The following TMC5 variants were observed in gnomAD, a reference collection of about 807,000 sequenced individuals.
TMC5 encodes the protein transmembrane channel-like protein 5.
Under a neutral mutation model 110.5 loss-of-function variants are expected in TMC5, and 86 were observed. The ratio of observed to expected loss-of-function variants is 0.78; its 90% CI spans 0.65 to 0.93. The LOEUF is 0.93. Ranked by LOEUF, TMC5 falls within the 40% of genes least tolerant of loss-of-function variation. TMC5 has a pLI of 0.00. For missense variants in TMC5, 1,144 were observed against 1,222.8 expected (o/e 0.94, Z 0.96); for synonymous variants, 455 against 439.5 (o/e 1.04, Z -0.44).
rs1969127247 is a variant in TMC5 at position 19,499,093 on chromosome 16, A to G, written c.*1127A>G. ...AATAAATAAATAAATAAAGTAAATT[A>G]AAAGTCTTATTCAAACCAAATATGA... On this transcript the variant is annotated 3_prime_UTR_variant, in exon 22 of 22. Transcript: ENST00000542583. 6.6e-6 allele frequency: 1 copy of G among 152,074 alleles called. No individual in the cohort carries two copies. Among genetic ancestry groups the G allele is most frequent in the Admixed American group, 6.6e-5 (1 of 15,252 alleles). The allele number at this position is 152,074 out of a possible 1,614,324, so 9.4% of individuals were successfully genotyped here. A position where few individuals can be genotyped will look rare whatever the true frequency, so the allele number is the denominator to read the frequency against.
At chr16:19,493,495 G>A (rs1476033821) in intron 19 of TMC5, among the ~76,000 whole-genome samples, 2 of 129,032 alleles carry the variant, frequency 1.6e-5, no homozygotes, top group Non-Finnish European at 3.3e-5. Flanking sequence ...GAATCTCACT[G>A]TGTCTCCCAG....
rs753782576 is a variant in TMC5, at chr16:19,487,207, G to A, written c.2454G>A (p.Met818Ile). ...TCTCTCTTCAGATCAGCCTGATGAT[G>A]AATTTCCAGCCTCCGAGCAAAGCCT... is the stretch of plus-strand genomic sequence containing the variant. ...MFYSKNISLM[M>I]NFQPPSKAWR... Residue 818 changes from methionine (M) to isoleucine (I), a missense_variant, in exon 17 of 22, where the codon ATG (methionine) becomes ATA (isoleucine). Coordinates refer to ENST00000542583, the MANE Select transcript of TMC5 (RefSeq NM_001261841.2). 1.2e-5 allele frequency: 20 copies of A among 1,613,018 alleles called. No homozygotes were observed. In the South Asian group the frequency reaches 2.1e-4, roughly 17 times the overall value.
chr16:19,485,358 G>T (rs188030400), intron 15 of TMC5, among the ~76,000 whole-genome samples: 1 of 152,120 alleles, frequency 6.6e-6, no homozygotes, highest in Non-Finnish European at 1.5e-5. Context: ...CAGAAGAAAG[G>T]CCTTTGTAAA....
chr16:19,466,781 G>A (rs1034539497), intron 9 of TMC5, among the ~76,000 whole-genome samples: 2 of 152,154 alleles, frequency 1.3e-5, no homozygotes, highest in African/African-American at 4.8e-5. Context: ...TAAGGGTGCA[G>A]TTACCCCAGC....
At chr16:19,452,692 C>T (rs1481662987) in intron 5 of TMC5, among the ~76,000 whole-genome samples, 1 of 152,044 alleles carries the variant, frequency 6.6e-6, no homozygotes, top group Non-Finnish European at 1.5e-5. Flanking sequence ...TGATCTCATA[C>T]TAATAGACAG....
Position 19,440,811 on chromosome 16 carries a change from C to A in TMC5, c.773C>A (p.Pro258Gln). The A allele has an allele frequency of 6.2e-7, 1 of 1,612,832 alleles. No individual in the cohort carries two copies. Among genetic ancestry groups the A allele is most frequent in the Non-Finnish European group, 8.5e-7 (1 of 1,179,632 alleles). ...NGHDYGSSET[P>Q]KMTRGVLSRT... ...CATGATTATGGCTCTTCTGAGACCC[C>A]AAAGATGACCAGGGGGTAAGTTCAG... Residue 258 changes from proline (P) to glutamine (Q), a missense_variant, in exon 3 of 22, where the codon CCA becomes CAA. Coordinates refer to ENST00000542583, the MANE Select transcript of TMC5 (RefSeq NM_001261841.2).
At chr16:19,425,353 C>T (rs1483671522) in intron 1 of TMC5, among the ~76,000 whole-genome samples, 1 of 143,372 alleles carries the variant, frequency 7.0e-6, no homozygotes, top group Non-Finnish European at 1.5e-5. Context: ...TTTTCCTGTG[C>T]ACCCTTGACT....
At chr16:19,431,845 G>T (rs1368616210) in intron 2 of TMC5, among the ~76,000 whole-genome samples, 1 of 152,188 alleles carries the variant, frequency 6.6e-6, no homozygotes, top group Admixed American at 6.5e-5. Flanking sequence ...GGCACCTGTA[G>T]ATCTAAAGCA....
At chr16:19,462,460 T>C (rs1252729608) in intron 6 of TMC5, 1 of 698,068 alleles carries the variant, frequency 1.4e-6, no homozygotes, top group Non-Finnish European at 2.6e-6. Context: ...GACTGGGTGA[T>C]TTATAAAGGA....
intron 5 of TMC5, among the ~76,000 whole-genome samples, chr16:19,452,449 G>A (rs916175765): frequency 2.0e-5 from 3 of 152,160 alleles, no homozygotes; most frequent in African/African-American, 7.2e-5. Flanking sequence ...GGGCATGGTG[G>A]CTCTCACCTG....
rs78883216 is a variant in TMC5, at chr16:19,474,113, C to G, written c.1939-12C>G. ...CAAGTCAGCCCTCCGTTCTCTCCCC[C>G]ATCCCCTGCAGTTCCTGAAGACACA... On this transcript the variant is annotated splice_polypyrimidine_tract_variant and intron_variant, in intron 11 of 21. Coordinates refer to ENST00000542583, the MANE Select transcript of TMC5 (RefSeq NM_001261841.2). The G allele has an allele frequency of 2.5e-6, 4 of 1,612,366 alleles. No homozygotes were observed. The highest frequency in any genetic ancestry group is 3.4e-6 in the Non-Finnish European group (4 of 1,179,510).
At position 19,473,619 on chromosome 16, in the gene TMC5, G is replaced by A. The variant is rs2143652804; in HGVS notation, c.1939-506G>A. Among the ~76,000 whole-genome samples the A allele has an allele frequency of 1.3e-5, 2 of 152,284 alleles. 1 individual carries two copies. Among genetic ancestry groups the A allele is most frequent in the South Asian group, 4.1e-4 (2 of 4,824 alleles). ...TTCCTTGCTGGGTGACCCTGGGCAA[G>A]TGTCTTCCCCTCCCTGAGCCTCAGT... is the stretch of plus-strand genomic sequence containing the variant. On this transcript the variant is annotated intron_variant, in intron 11 of 21. Transcript: ENST00000542583.
intron 20 of TMC5, among the ~76,000 whole-genome samples, chr16:19,495,686 T>C (rs1027419744): frequency 6.6e-6 from 1 of 151,844 alleles, no homozygotes; most frequent in African/African-American, 2.4e-5. Flanking sequence ...CTTAAAAAAT[T>C]TTAATAATTA....
chr16:19,488,111 G>T (rs1307305035), intron 17 of TMC5, among the ~76,000 whole-genome samples: 1 of 152,124 alleles, frequency 6.6e-6, no homozygotes, highest in Non-Finnish European at 1.5e-5. Flanking sequence ...GCGGTTGCGG[G>T]TGTGGGATCT....
At chr16:19,474,054 G>C in intron 11 of TMC5, 71 bp from the exon 12 acceptor site, 1 of 1,457,498 alleles carries the variant, frequency 6.9e-7, no homozygotes, top group South Asian at 1.4e-5. Context: ...TATCATGGGA[G>C]ACTTTTGAGT....
At chr16:19,493,445 G>GTT (rs1968966020) in intron 19 of TMC5, among the ~76,000 whole-genome samples, 1 of 58,276 alleles carries the variant, frequency 1.7e-5, no homozygotes, top group Admixed American at 1.7e-4. Context: ...TTTGGTTAAT[G>GTT]TCTCTCTCTC....
At chr16:19,441,450 G>T (rs946010568) in intron 3 of TMC5, among the ~76,000 whole-genome samples, 1 of 151,958 alleles carries the variant, frequency 6.6e-6, no homozygotes. Context: ...CTCCCAAGTA[G>T]CTGGGACTAC....
intron 20 of TMC5, among the ~76,000 whole-genome samples, 192 bp from the exon 21 acceptor site, chr16:19,496,929 G>C (rs1969071191): frequency 7.1e-6 from 1 of 141,690 alleles, no homozygotes; most frequent in South Asian, 2.2e-4. Context: ...TCTGTGGAAT[G>C]AATGAATGGA....
intron 1 of TMC5, among the ~76,000 whole-genome samples, chr16:19,427,795 C>G (rs1967115625): frequency 6.6e-6 from 1 of 152,026 alleles, no homozygotes; most frequent in Non-Finnish European, 1.5e-5. Context: ...CAAATGTGCT[C>G]TCAGAGGCAA....
Sources: gnomAD v4.1 joint callset for allele counts (sites outside exome capture counted in the v4.1 genomes callset) on GRCh38, gnomAD v4.1.1 for gene constraint, MANE v1.5 for transcripts, NCBI Gene and HGNC (gene_info 2026-07-23, HGNC 2026-07-21) for gene names.